Variants in LMNA observed in about 807,000 individuals in gnomAD.
LMNA encodes lamin A/C.
LMNA carries 20 observed loss-of-function variants against 70.4 expected under a neutral mutation model. That is an observed-to-expected ratio of 0.28 (90% CI 0.20 to 0.41). The LOEUF is 0.41. Among genes scored for constraint, LMNA ranks in the 10% least tolerant of loss-of-function variants. LMNA has a pLI of 1.00. For synonymous variants in LMNA, 339 were observed against 372.8 expected (o/e 0.91, Z 1.04); for missense variants, 652 against 917.2 (o/e 0.71, Z 3.73).
intron 2 of LMNA, among the ~76,000 whole-genome samples, chr1:156,088,714 A>G (rs955867591): frequency 5.1e-4 from 78 of 152,352 alleles, no homozygotes; most frequent in African/African-American, 1.8e-3. Flanking sequence ...CAGTAGCACA[A>G]TCTCAGCTCA....
In LMNA at chr1:156,136,842, G is replaced by A. The variant is rs1164977363; in HGVS notation, c.1381-79G>A. 3 of 1,200,164 alleles carry A rather than the reference G, an allele frequency of 2.5e-6. No homozygotes were observed. The Admixed American group carries it at 5.9e-5, about 24-fold the overall frequency. 74.3% of individuals were successfully genotyped at this position (1,200,164 alleles called of 1,614,324 possible). On this transcript the variant is annotated intron_variant, in intron 7 of 11. Transcript: ENST00000368300. The surrounding 1 kb of genome is among the most constrained non-coding windows in gnomAD (Gnocchi z 6.1). ...GAGGCCTCAATTGCAGGCAGGCAGAGGGCTGGGCCTTTGAGCAAGATACAC... is the reference window on the plus strand; with the variant it reads ...GAGGCCTCAATTGCAGGCAGGCAGAAGGCTGGGCCTTTGAGCAAGATACAC...
intron 1 of LMNA, among the ~76,000 whole-genome samples, chr1:156,119,329 G>A (rs1254657231): frequency 6.6e-6 from 1 of 152,154 alleles, no homozygotes; most frequent in Non-Finnish European, 1.5e-5. Flanking sequence ...TGTTGGCCAG[G>A]ATGGTCTTGA....
chr1:156,096,784 CA>C (rs1648951852), intron 3 of LMNA, among the ~76,000 whole-genome samples: 1 of 152,240 alleles, frequency 6.6e-6, no homozygotes, highest in African/African-American at 2.4e-5. Context: ...TCCGCTGGGC[CA>C]GCAGGTGGCG....
Position 156,103,105 on chromosome 1 carries a change from A to C in LMNA, c.-206-11608A>C, listed in dbSNP as rs1649197447. On this transcript the variant is annotated intron_variant, in intron 3 of 12. Coordinates refer to the LMNA transcript ENST00000368301. The surrounding 1 kb of genome is among the most constrained non-coding windows in gnomAD (Gnocchi z 4.7). ...GGTGGACCCATGGGGGCTGCAGCTG[A>C]GCTGGGGACTTTGTCCCTGCAGCTG... Among the ~76,000 whole-genome samples the C allele has an allele frequency of 6.6e-6, 1 of 152,150 alleles. No homozygotes were observed. Among genetic ancestry groups the C allele is most frequent in the Admixed American group, 6.5e-5 (1 of 15,286 alleles).
upstream of LMNA, among the ~76,000 whole-genome samples, chr1:156,114,271 G>A (rs1649652877): frequency 6.6e-6 from 1 of 152,192 alleles, no homozygotes; most frequent in African/African-American, 2.4e-5. Context: ...GGGGGAGCCA[G>A]TGGTGGAAGA....
chr1:156,136,737 G>A lies in LMNA; in HGVS notation c.1381-184G>A. 1.4e-6 allele frequency: 1 copy of A among 699,014 alleles called. No homozygotes were observed. Among genetic ancestry groups the A allele is most frequent in the South Asian group, 1.5e-5 (1 of 65,148 alleles). The allele number at this position is 699,014 out of a possible 1,614,324, so 43.3% of individuals were successfully genotyped here. ...TGAAAGATAAGGTATCCGTGTGCCTGGTGCTGCGTATGTGTCCACAGATCA... is the reference window on the plus strand; with the variant it reads ...TGAAAGATAAGGTATCCGTGTGCCTAGTGCTGCGTATGTGTCCACAGATCA... On this transcript the variant is annotated intron_variant, in intron 7 of 11. Transcript: ENST00000368300. This position sits in a 1 kb window ranked among gnomAD's most constrained non-coding sequence, Gnocchi z 6.1.
At position 156,130,763 on chromosome 1, in the gene LMNA, A is replaced by G. The variant is rs1371187616; in HGVS notation, c.503A>G (p.Gln168Arg). Residue 168 changes from glutamine (Q) to arginine (R), a missense_variant, in exon 2 of 12, where the codon CAG becomes CGG. By Grantham distance (43) the Gln-to-Arg change is conservative. Coordinates refer to ENST00000368300, the MANE Select transcript of LMNA (RefSeq NM_170707.4). Reference protein sequence around the residue: ...LEGELHDLRGQVAKLEAALGE... With the variant: ...LEGELHDLRGRVAKLEAALGE... Reference sequence around the variant, plus strand: ...GGCGAGCTGCATGATCTGCGGGGCCAGGTGGCCAAGGTGAGGCCACCCTGC... The same window carrying G: ...GGCGAGCTGCATGATCTGCGGGGCCGGGTGGCCAAGGTGAGGCCACCCTGC... The G allele has an allele frequency of 1.9e-6, 3 of 1,582,574 alleles. No homozygotes were observed. Among genetic ancestry groups the G allele is most frequent in the East Asian group, 2.3e-5 (1 of 43,224 alleles).
At chr1:156,129,800 T>TA (rs1209994619) in intron 1 of LMNA, 1 of 745,568 alleles carries the variant, frequency 1.3e-6, no homozygotes, top group African/African-American at 1.7e-5. Flanking sequence ...TGGTTATAGC[T>TA]AAAGCTTTAC....
Position 156,133,399 on chromosome 1 carries a change from T to C in LMNA, c.514-1004T>C, listed in dbSNP as rs557122114. On this transcript the variant is annotated intron_variant, in intron 2 of 11. Transcript: ENST00000368300. ...TATCCTGGCCAACATGGTGAAACCC[T>C]GTCTCTACTAAAGATACAAAAATTA... is the stretch of plus-strand genomic sequence containing the variant. Among the ~76,000 whole-genome samples the C allele has an allele frequency of 3.3e-5, 5 of 151,902 alleles. 1 individual carries two copies. The South Asian group carries it at 8.3e-4, about 25-fold the overall frequency.
intron 1 of LMNA, among the ~76,000 whole-genome samples, chr1:156,127,659 CA>C (rs1326665339): frequency 1.3e-5 from 2 of 150,290 alleles, no homozygotes; most frequent in African/African-American, 4.9e-5. Flanking sequence ...GCTGGGACTA[CA>C]GGTGCACACC....
chr1:156,108,219 A>T (rs1350532510), intron 3 of LMNA, among the ~76,000 whole-genome samples: 2 of 152,166 alleles, frequency 1.3e-5, no homozygotes, highest in East Asian at 3.8e-4. Context: ...TTCCACTGTC[A>T]AGGTTATAAC....
intron 2 of LMNA, among the ~76,000 whole-genome samples, chr1:156,085,230 C>T (rs998356649): frequency 6.6e-6 from 1 of 152,174 alleles, no homozygotes; most frequent in Non-Finnish European, 1.5e-5. Context: ...GGAGAGTGCC[C>T]AGGTGCAGAG....
rs888010397 is a variant in LMNA at position 156,126,883 on chromosome 1, G to A, written c.357-3734G>A. 1.9e-6 allele frequency: 3 copies of A among 1,611,108 alleles called. No homozygotes were observed. The highest frequency in any genetic ancestry group is 1.1e-5 in the South Asian group (1 of 90,402). On this transcript the variant is annotated intron_variant, in intron 1 of 11. Transcript: ENST00000368300. ...CTCTGCTGGCACAGCACCCGGCCTG[G>A]GGCAGGACACGGGCGAAGCCAGGGT...
upstream of LMNA, among the ~76,000 whole-genome samples, chr1:156,112,748 T>C (rs1226737914): frequency 6.6e-6 from 1 of 152,142 alleles, no homozygotes; most frequent in Non-Finnish European, 1.5e-5. Flanking sequence ...CCTCCCCTAA[T>C]AACCAAAGTT....
At chr1:156,131,531 A>G (rs1207436573) in intron 2 of LMNA, among the ~76,000 whole-genome samples, 1 of 152,196 alleles carries the variant, frequency 6.6e-6, no homozygotes, top group Non-Finnish European at 1.5e-5. Context: ...TCGAGGATAC[A>G]GTGAGCTGTG....
chr1:156,127,099 G>A, intron 1 of LMNA: 1 of 637,484 alleles, frequency 1.6e-6, no homozygotes, highest in Non-Finnish European at 2.7e-6. Flanking sequence ...AACCCCCAGT[G>A]GAGTGGGCTG....
rs1354934522 is a variant in LMNA at position 156,136,477 on chromosome 1, A to G, written c.1380+41A>G. 11 of 1,529,024 alleles carry G rather than the reference A, an allele frequency of 7.2e-6. No homozygotes were observed. Among genetic ancestry groups the G allele is most frequent in the Non-Finnish European group, 7.1e-6 (8 of 1,130,136 alleles). 94.7% of individuals were successfully genotyped at this position (1,529,024 alleles called of 1,614,324 possible). A position where few individuals can be genotyped will look rare whatever the true frequency, so the allele number is the denominator to read the frequency against. ...GGGTCTAAGGGGATACAGCTGCATCAGGGAGAGAGTGGCAAGACAGAAGGA... is the reference window on the plus strand; with the variant it reads ...GGGTCTAAGGGGATACAGCTGCATCGGGGAGAGAGTGGCAAGACAGAAGGA... On this transcript the variant is annotated intron_variant, in intron 7 of 11. Transcript: ENST00000368300. The surrounding 1 kb of genome is among the most constrained non-coding windows in gnomAD (Gnocchi z 6.1).
chr1:156,135,075 A>C lies in LMNA; in HGVS notation c.810+100A>C. 6.2e-7 allele frequency: 1 copy of C among 1,609,478 alleles called. No homozygotes were observed. Among genetic ancestry groups the C allele is most frequent in the Non-Finnish European group, 8.5e-7 (1 of 1,176,416 alleles). On this transcript the variant is annotated intron_variant, in intron 4 of 11. Coordinates refer to ENST00000368300, the MANE Select transcript of LMNA (RefSeq NM_170707.4). This position sits in a 1 kb window ranked among gnomAD's most constrained non-coding sequence, Gnocchi z 4.8. The stretch of plus-strand genomic sequence containing the variant: ...TTCTGGGGATCAGGCAGATGGTGGC[A>C]GGGAGCTCAGGGTGGCCCAGGACCT...
intron 2 of LMNA, among the ~76,000 whole-genome samples, chr1:156,087,904 G>A (rs555161113): frequency 3.2e-4 from 47 of 146,246 alleles, no homozygotes; most frequent in Non-Finnish European, 4.8e-4. Flanking sequence ...ATGGTGTCTC[G>A]CTCGGTCACC....
Sources: gnomAD v4.1 joint callset for allele counts (sites outside exome capture counted in the v4.1 genomes callset) on GRCh38, gnomAD v4.1.1 for gene constraint, Gnocchi (gnomAD v3.1) non-coding constraint, MANE v1.5 for transcripts, NCBI Gene and HGNC (gene_info 2026-07-23, HGNC 2026-07-21) for gene names.